KLHL32: variants seen among roughly 807,000 people sequenced by gnomAD.
KLHL32 encodes the protein kelch-like protein 32.
KLHL32 carries 35 observed loss-of-function variants against 64.8 expected under a neutral mutation model. The observed-to-expected ratio is 0.54, with a 90% CI of 0.41 to 0.72. The LOEUF (loss-of-function observed/expected upper bound fraction) is 0.72, where lower values mean the gene tolerates loss of function less well. Ranked by LOEUF, KLHL32 falls within the 30% of genes least tolerant of loss-of-function variation. KLHL32 has a pLI of 0.00. For missense variants in KLHL32, 589 were observed against 768.5 expected, an observed-to-expected ratio of 0.77 and a Z score of 2.76; for synonymous variants, 259 against 281.0, an observed-to-expected ratio of 0.92 and a Z score of 0.78.
intron 1 of KLHL32, among the ~76,000 whole-genome samples, chr6:96,960,134 T>C (rs1312876262): frequency 6.6e-6 from 1 of 152,210 alleles, no homozygotes; most frequent in African/African-American, 2.4e-5. Context: ...AGCACTGTGC[T>C]GCACACTTAT....
chr6:96,988,147 AC>A (rs1240926910), intron 3 of KLHL32, among the ~76,000 whole-genome samples: 1 of 152,214 alleles, frequency 6.6e-6, no homozygotes, highest in East Asian at 1.9e-4. Context: ...AAAAGAAACT[AC>A]CATCAGAGTG....
At chr6:97,135,812 G>A (rs564443873) in intron 10 of KLHL32, among the ~76,000 whole-genome samples, 1 of 152,200 alleles carries the variant, frequency 6.6e-6, no homozygotes, top group East Asian at 1.9e-4. Flanking sequence ...AGAACAATTG[G>A]TTTCAATACA....
intron 3 of KLHL32, among the ~76,000 whole-genome samples, chr6:96,979,755 TG>T (rs1395288706): frequency 6.6e-6 from 1 of 152,230 alleles, no homozygotes; most frequent in Non-Finnish European, 1.5e-5. Context: ...TTAGGCAGTA[TG>T]GCCATTTTCA....
rs1248501228 is a variant in KLHL32 at position 97,114,165 on chromosome 6, GCCA to G, written c.1014_1016del (p.His339del). 6.2e-7 allele frequency: 1 copy of G among 1,614,198 alleles called. No homozygotes were observed. Among genetic ancestry groups the G allele is most frequent in the Non-Finnish European group, 8.5e-7 (1 of 1,180,040 alleles). ...CTGGCTCCCATGCCTGTGGGAAGGA[GCCA>G]CCATTGTGTGGCAGTCATGGGGGAC... On this transcript the variant is annotated inframe_deletion, in exon 7 of 11. Coordinates refer to ENST00000369261, the MANE Select transcript of KLHL32 (RefSeq NM_052904.4).
chr6:97,081,460 G>A (rs994411730), intron 5 of KLHL32, among the ~76,000 whole-genome samples: 4 of 152,174 alleles, frequency 2.6e-5, no homozygotes, highest in African/African-American at 9.7e-5. Flanking sequence ...GCCCTGGGAG[G>A]GGCAGTCTAT....
chr6:97,006,117 C>G (rs1052924274), intron 3 of KLHL32, among the ~76,000 whole-genome samples: 11 of 152,018 alleles, frequency 7.2e-5, no homozygotes, highest in African/African-American at 2.4e-4. Context: ...GTTTAAGCCT[C>G]TCATTATTAT....
intron 1 of KLHL32, among the ~76,000 whole-genome samples, chr6:96,956,567 T>C (rs1480359995): frequency 6.6e-6 from 1 of 152,224 alleles, no homozygotes; most frequent in Non-Finnish European, 1.5e-5. Flanking sequence ...GCTCCCCTAC[T>C]TGGTCTTTAC....
At chr6:97,093,369 G>C (rs1392582180) in intron 6 of KLHL32, among the ~76,000 whole-genome samples, 1 of 152,136 alleles carries the variant, frequency 6.6e-6, no homozygotes, top group Non-Finnish European at 1.5e-5. Flanking sequence ...GATAAGGCAA[G>C]TATGATCCAA....
At chr6:96,986,400 G>A (rs1388962491) in intron 3 of KLHL32, among the ~76,000 whole-genome samples, 1 of 152,202 alleles carries the variant, frequency 6.6e-6, no homozygotes, top group East Asian at 1.9e-4. Context: ...CGTCAAGGCT[G>A]TCAGACAGGG....
chr6:97,123,716 A>G (rs763414387), intron 7 of KLHL32, among the ~76,000 whole-genome samples: 1 of 152,184 alleles, frequency 6.6e-6, no homozygotes, highest in Non-Finnish European at 1.5e-5. Context: ...GAGGGAGATC[A>G]AAACTGCCAA....
chr6:97,042,457 G>A (rs762091039), intron 4 of KLHL32, among the ~76,000 whole-genome samples: 1 of 152,084 alleles, frequency 6.6e-6, no homozygotes, highest in Non-Finnish European at 1.5e-5. Context: ...GAATGTGTGG[G>A]AGCTCATTTT....
At chr6:97,022,526 G>A (rs1406322327) in intron 3 of KLHL32, among the ~76,000 whole-genome samples, 1 of 148,184 alleles carries the variant, frequency 6.7e-6, no homozygotes, top group Non-Finnish European at 1.5e-5. Context: ...CTGGAGTGCA[G>A]TGGTGCGATC....
the KLHL32 span, among the ~76,000 whole-genome samples, chr6:96,908,583 A>C: frequency 2.0e-5 from 3 of 152,240 alleles, no homozygotes; most frequent in Admixed American, 6.5e-5. Flanking sequence ...AAAGAGAAAA[A>C]GACCAAAGCT....
chr6:97,121,209 T>G (rs895290480), intron 7 of KLHL32, among the ~76,000 whole-genome samples: 10 of 152,226 alleles, frequency 6.6e-5, no homozygotes, highest in African/African-American at 2.4e-4. Context: ...AGTTAGAATT[T>G]GAACTCTGTG....
chr6:96,918,291 C>A, the KLHL32 span, among the ~76,000 whole-genome samples: 20 of 152,228 alleles, frequency 1.3e-4, no homozygotes, highest in African/African-American at 4.6e-4. Context: ...TTGGGGAATT[C>A]AGGGATGCTA....
chr6:96,904,215 A>G, the KLHL32 span, among the ~76,000 whole-genome samples: 17 of 152,014 alleles, frequency 1.1e-4, no homozygotes, highest in Non-Finnish European at 2.2e-4. Flanking sequence ...GATGGTGCAC[A>G]TCGATAATCC....
At chr6:96,998,140 A>G (rs768079601) in intron 3 of KLHL32, among the ~76,000 whole-genome samples, 3 of 152,218 alleles carry the variant, frequency 2.0e-5, no homozygotes, top group Non-Finnish European at 4.4e-5. Flanking sequence ...GTATACTTCC[A>G]GTAAATTATC....
At chr6:97,072,065 A>G (rs2128163855) in intron 5 of KLHL32, among the ~76,000 whole-genome samples, 1 of 152,270 alleles carries the variant, frequency 6.6e-6, no homozygotes, top group African/African-American at 2.4e-5. Flanking sequence ...CCTAGTCTAC[A>G]CTTCGGCTTG....
At chr6:96,973,729 C>CTTTTTTTTTTTTTTTT (rs1562204671) in intron 2 of KLHL32, among the ~76,000 whole-genome samples, 2 of 49,744 alleles carry the variant, frequency 4.0e-5, no homozygotes, top group East Asian at 4.0e-4. Context: ...TTACAGATTG[C>CTTTTTTTTTTTTTTTT]CTTTTTTTTT....
Sources: gnomAD v4.1 joint callset for allele counts (sites outside exome capture counted in the v4.1 genomes callset) on GRCh38, gnomAD v4.1.1 for gene constraint, MANE v1.5 for transcripts, NCBI Gene and HGNC (gene_info 2026-07-23, HGNC 2026-07-21) for gene names.